TYR: variants seen among roughly 807,000 people sequenced by gnomAD.
TYR encodes the protein LB24-AB.
Under a neutral mutation model 51.5 loss-of-function variants are expected in TYR, and 58 were observed. The observed-to-expected ratio is 1.13, with a 90% CI of 0.91 to 1.40. TYR has a LOEUF of 1.40. Ranked by LOEUF, TYR falls within the 40% of genes most tolerant of loss-of-function variation. The pLI is 0.00. For missense variants in TYR, 732 were observed against 647.4 expected (o/e 1.13, Z -1.42); for synonymous variants, 263 against 235.2 (o/e 1.12, Z -1.08).
intron 3 of TYR, among the ~76,000 whole-genome samples, chr11:89,262,873 C>CAAAAAA (rs1944478204): frequency 1.9e-5 from 1 of 53,044 alleles, no homozygotes; most frequent in Non-Finnish European, 4.0e-5. Context: ...AAAAAAAAAA[C>CAAAAAA]AACAACAACA....
intron 3 of TYR, among the ~76,000 whole-genome samples, chr11:89,261,177 A>G (rs961072072): frequency 6.6e-6 from 1 of 152,168 alleles, no homozygotes; most frequent in Non-Finnish European, 1.5e-5. Flanking sequence ...AAAGAAAGAC[A>G]TAACATGTAT....
chr11:89,259,390 A>G (rs1944431814), intron 3 of TYR, among the ~76,000 whole-genome samples: 1 of 152,094 alleles, frequency 6.6e-6, no homozygotes, highest in South Asian at 2.1e-4. Flanking sequence ...GACACTATTT[A>G]AACTTCTATC....
chr11:89,257,326 A>G (rs1944405250), intron 3 of TYR, among the ~76,000 whole-genome samples: 1 of 151,988 alleles, frequency 6.6e-6, no homozygotes, highest in Non-Finnish European at 1.5e-5. Context: ...AATTTCACAC[A>G]ATAACAATAA....
chr11:89,217,344 T>C (rs182194308), intron 2 of TYR, among the ~76,000 whole-genome samples: 1 of 152,292 alleles, frequency 6.6e-6, no homozygotes, highest in Admixed American at 6.5e-5. Context: ...TCATCCAAAA[T>C]CCAATTTGGA....
intron 3 of TYR, among the ~76,000 whole-genome samples, chr11:89,244,184 T>C (rs1269864811): frequency 6.6e-6 from 1 of 152,202 alleles, no homozygotes; most frequent in Non-Finnish European, 1.5e-5. Flanking sequence ...ATCATTTGCC[T>C]ATACTCTTAA....
chr11:89,288,035 G>A (rs1944812191), intron 4 of TYR, among the ~76,000 whole-genome samples: 1 of 151,898 alleles, frequency 6.6e-6, no homozygotes, highest in Admixed American at 6.6e-5. Flanking sequence ...ATAATAACAA[G>A]AGGAGCAAAG....
At position 89,178,185 on chromosome 11, in the gene TYR, G is replaced by T. The variant is rs61753186; in HGVS notation, c.232G>T (p.Glu78Ter). 19 of 1,614,172 alleles carry T rather than the reference G, an allele frequency of 1.2e-5. No individual in the cohort carries two copies. The highest frequency in any genetic ancestry group is 1.6e-5 in the Non-Finnish European group (19 of 1,180,036). Reference sequence around the variant, plus strand: ...TCCCTTCACAGGGGTGGATGACCGGGAGTCGTGGCCTTCCGTCTTTTATAA... The same window carrying T: ...TCCCTTCACAGGGGTGGATGACCGGTAGTCGTGGCCTTCCGTCTTTTATAA... Reference protein sequence around the residue: ...QFPFTGVDDRESWPSVFYNRT... With the variant: ...QFPFTGVDDR The change falls in exon 1 of 5, where the codon GAG (glutamate) becomes TAG (stop). Residue 78 changes from glutamate to a stop codon, truncating the protein, a stop_gained. Coordinates refer to ENST00000263321, the MANE Select transcript of TYR (RefSeq NM_000372.5). LOFTEE classifies it high-confidence loss of function.
chr11:89,286,345 C>T (rs1944786522), intron 4 of TYR, among the ~76,000 whole-genome samples: 1 of 151,806 alleles, frequency 6.6e-6, no homozygotes, highest in South Asian at 2.1e-4. Flanking sequence ...TGGAAAAGGA[C>T]ACGAAGAAAA....
At chr11:89,290,624 T>G (rs1237728369) in intron 4 of TYR, among the ~76,000 whole-genome samples, 1 of 151,996 alleles carries the variant, frequency 6.6e-6, no homozygotes, top group Non-Finnish European at 1.5e-5. Flanking sequence ...GGTTATATAG[T>G]CCATGATGGC....
intron 4 of TYR, chr11:89,294,104 C>T (rs1371239396): frequency 6.4e-6 from 1 of 157,312 alleles, no homozygotes; most frequent in African/African-American, 2.4e-5. Context: ...CTGCGGGTTC[C>T]CAAGTACTGT....
At chr11:89,259,155 T>G (rs1489120839) in intron 3 of TYR, among the ~76,000 whole-genome samples, 1 of 152,042 alleles carries the variant, frequency 6.6e-6, no homozygotes, top group Admixed American at 6.6e-5. Flanking sequence ...GAGTCTAGAA[T>G]TCGTAACATT....
At chr11:89,267,224 G>A (rs1237642195) in intron 3 of TYR, among the ~76,000 whole-genome samples, 2 of 151,932 alleles carry the variant, frequency 1.3e-5, no homozygotes, top group Non-Finnish European at 2.9e-5. Flanking sequence ...TTGGGTATGT[G>A]AAAGTGTGCC....
In TYR at chr11:89,234,436, T is replaced by G. The variant is rs1002112257; in HGVS notation, c.1184+6466T>G. Among the ~76,000 whole-genome samples the G allele has an allele frequency of 2.8e-5, 4 of 143,854 alleles. 1 individual carries two copies. Among genetic ancestry groups the G allele is most frequent in the African/African-American group, 5.5e-5 (2 of 36,496 alleles). The allele number at this position is 143,854 out of a possible 152,430, so 94.4% of individuals were successfully genotyped here. A position where few individuals can be genotyped will look rare whatever the true frequency, so the allele number is the denominator to read the frequency against. ...AGCACTTTGCATTTCCTTCAAGAAC[T>G]TTTCTTTTGCAATTGCAACTTGACT... On this transcript the variant is annotated intron_variant, in intron 3 of 4. Transcript: ENST00000263321.
At chr11:89,199,188 C>A (rs1272663071) in intron 2 of TYR, among the ~76,000 whole-genome samples, 2 of 152,094 alleles carry the variant, frequency 1.3e-5, no homozygotes. Flanking sequence ...GGTTCCAAGT[C>A]TTTGCTATTG....
chr11:89,233,060 A>G (rs1460896816), intron 3 of TYR, among the ~76,000 whole-genome samples: 1 of 143,830 alleles, frequency 7.0e-6, no homozygotes, highest in Admixed American at 6.9e-5. Context: ...CATTTTACCT[A>G]TAGTAAAACT....
rs2135324283 is a variant in TYR at position 89,284,847 on chromosome 11, A to G, written c.1259A>G (p.His420Arg). ...VYPEANAPIGHNRESYMVPFI... is the reference protein window; with the variant it reads ...VYPEANAPIGRNRESYMVPFI... ...CCAGAAGCCAATGCACCCATTGGAC[A>G]TAACCGGGAATCCTACATGGTTCCT... The change falls in exon 4 of 5, where the codon CAT (histidine) becomes CGT (arginine). Residue 420 changes from histidine (H) to arginine (R), a missense_variant. Physicochemically the swap from His to Arg is conservative, Grantham distance 29. Transcript: ENST00000263321. 1 of 1,612,066 alleles carries G rather than the reference A, an allele frequency of 6.2e-7. No individual in the cohort carries two copies. The highest frequency in any genetic ancestry group is 8.5e-7 in the Non-Finnish European group (1 of 1,178,626).
intron 2 of TYR, among the ~76,000 whole-genome samples, chr11:89,195,469 A>G (rs1943505133): frequency 6.6e-6 from 1 of 152,150 alleles, no homozygotes; most frequent in African/African-American, 2.4e-5. Flanking sequence ...ACCTGAGGTC[A>G]GGAGCTTGAG....
intron 2 of TYR, among the ~76,000 whole-genome samples, chr11:89,194,255 A>G (rs2135255574): frequency 6.6e-6 from 1 of 152,230 alleles, no homozygotes; most frequent in East Asian, 1.9e-4. Context: ...TTTTAATAGA[A>G]CATTCTTCAT....
At position 89,178,454 on chromosome 11, in the gene TYR, T is replaced by C. The variant is rs1943256851; in HGVS notation, c.501T>C (p.Phe167=). Residue 167 remains phenylalanine (F), a synonymous_variant, in exon 1 of 5, where the codon TTT becomes TTC. Transcript: ENST00000263321. ...TGAAAAATGGATCAACACCCATGTT[T>C]AACGACATCAATATTTATGACCTCT... ...GQMKNGSTPM[F]NDINIYDLFV... The C allele has an allele frequency of 6.2e-7, 1 of 1,614,074 alleles. No homozygotes were observed. The highest frequency in any genetic ancestry group is 8.5e-7 in the Non-Finnish European group (1 of 1,180,028).
Sources: gnomAD v4.1 joint callset for allele counts (sites outside exome capture counted in the v4.1 genomes callset) on GRCh38, gnomAD v4.1.1 for gene constraint, MANE v1.5 for transcripts, NCBI Gene and HGNC (gene_info 2026-07-23, HGNC 2026-07-21) for gene names.